ITIH5: variants seen among roughly 807,000 people sequenced by gnomAD.
The protein encoded by ITIH5 is inter-alpha-trypsin inhibitor heavy chain H5.
ITIH5 carries 65 observed loss-of-function variants against 77.5 expected under a neutral mutation model. The ratio of observed to expected loss-of-function variants is 0.84; its 90% CI spans 0.69 to 1.03. ITIH5 has a LOEUF of 1.03. Ranked by LOEUF, ITIH5 falls within the 50% of genes least tolerant of loss-of-function variation. ITIH5 has a pLI of 0.00. For missense variants in ITIH5, 1,208 were observed against 1,213.1 expected (o/e 1.00, Z 0.06); for synonymous variants, 525 against 494.3 (o/e 1.06, Z -0.82).
intron 12 of ITIH5, among the ~76,000 whole-genome samples, chr10:7,566,668 T>G (rs963330449): frequency 2.1e-5 from 3 of 144,052 alleles, no homozygotes; most frequent in Admixed American, 1.4e-4. Context: ...GCTGCAGTGA[T>G]CTGTGATTGC....
At chr10:7,589,892 T>C (rs1374720969) in intron 7 of ITIH5, among the ~76,000 whole-genome samples, 2 of 152,010 alleles carry the variant, frequency 1.3e-5, no homozygotes, top group Non-Finnish European at 2.9e-5. Context: ...CTGGAGGGGA[T>C]TGGTGCTCCC....
chr10:7,658,184 C>T (rs1475915084), intron 1 of ITIH5, among the ~76,000 whole-genome samples: 1 of 152,174 alleles, frequency 6.6e-6, no homozygotes, highest in African/African-American at 2.4e-5. Context: ...CTTTGATTGA[C>T]ATCTTGTTCT....
chr10:7,606,940 G>T (rs1405045961), intron 7 of ITIH5, among the ~76,000 whole-genome samples: 1 of 151,988 alleles, frequency 6.6e-6, no homozygotes, highest in Non-Finnish European at 1.5e-5. Context: ...CATGGCCTAG[G>T]GAAAAAATAT....
intron 13 of ITIH5, among the ~76,000 whole-genome samples, chr10:7,565,030 A>G (rs527689755): frequency 7.5e-5 from 11 of 146,664 alleles, no homozygotes; most frequent in Non-Finnish European, 1.6e-4. Context: ...ATATACATAC[A>G]TAGACTGTAT....
intron 5 of ITIH5, among the ~76,000 whole-genome samples, chr10:7,624,077 T>C (rs1564266130): frequency 6.6e-6 from 1 of 152,206 alleles, no homozygotes; most frequent in Non-Finnish European, 1.5e-5. Flanking sequence ...TATTCAATGC[T>C]CTTCCTTCCT....
At chr10:7,639,004 A>T (rs1466806429) in intron 4 of ITIH5, among the ~76,000 whole-genome samples, 1 of 152,244 alleles carries the variant, frequency 6.6e-6, no homozygotes, top group African/African-American at 2.4e-5. Context: ...CATAAGAAAA[A>T]AGAAAAGCAG....
At chr10:7,630,841 A>T (rs1457716965) in intron 5 of ITIH5, among the ~76,000 whole-genome samples, 1 of 151,770 alleles carries the variant, frequency 6.6e-6, no homozygotes, top group African/African-American at 2.4e-5. Flanking sequence ...CTTAACGGCC[A>T]AACACTTCTC....
chr10:7,586,110 A>C (rs778660897), intron 7 of ITIH5, 41 bp from the exon 8 acceptor site: 7 of 1,566,120 alleles, frequency 4.5e-6, no homozygotes, highest in African/African-American at 1.4e-5. Context: ...AGCTGCTCAC[A>C]TAAGTCCACT....
At chr10:7,583,095 C>T (rs1225703077) in intron 8 of ITIH5, among the ~76,000 whole-genome samples, 2 of 151,972 alleles carry the variant, frequency 1.3e-5, no homozygotes, top group Non-Finnish European at 2.9e-5. Flanking sequence ...ACCTCATATA[C>T]CCCATAAACA....
rs1832260369 is a variant in ITIH5 at position 7,569,736 on chromosome 10, G to GTGAGT, written c.2076_2080dup (p.Thr694AsnfsTer29). On this transcript the variant is annotated frameshift_variant, in exon 12 of 14. Coordinates refer to ENST00000397146, the MANE Select transcript of ITIH5 (RefSeq NM_030569.7). LOFTEE classifies it high-confidence loss of function. ...CTGCCCATCAATGTTGAAGCACACG[G>GTGAGT]TGAGTCTGCTCAGGGGGAAATCCAC... 6.2e-7 allele frequency: 1 copy of GTGAGT among 1,613,180 alleles called. No individual in the cohort carries two copies. The highest frequency in any genetic ancestry group is 1.3e-5 in the African/African-American group (1 of 75,018).
chr10:7,573,145 A>C lies in ITIH5; in HGVS notation c.2029T>G (p.Ser677Ala). ...ACAACCGCATCCTTTGCTTTACCTG[A>C]TGTTTTAGAGATTTTAATTCTTGGC... ...YQPRIKISKTSVDGDPHFVVD... is the reference protein window; with the variant it reads ...YQPRIKISKTAVDGDPHFVVD... The change falls in exon 11 of 14, where the codon TCA becomes GCA. Residue 677 changes from serine to alanine, a missense_variant. Transcript: ENST00000397146. 1.9e-6 allele frequency: 3 copies of C among 1,613,342 alleles called. No homozygotes were observed. In the South Asian group the frequency reaches 3.3e-5, roughly 18 times the overall value.
intron 7 of ITIH5, among the ~76,000 whole-genome samples, chr10:7,588,218 C>T (rs10732932): frequency 0.97 from 148,252 of 152,292 alleles, 72,268 homozygotes; most frequent in Middle Eastern, 1. Flanking sequence ...ACCTCATCTC[C>T]ACTAATAATA....
rs777390458 is a variant in ITIH5 at position 7,640,797 on chromosome 10, C to G, written c.358G>C (p.Asp120His). ...EITEREKKSG[D>H]RVKEKRNKTT... Reference sequence around the variant, plus strand: ...TTATTCCTTTTCTCTTTTACCCTATCACCACTCTTCTTTTCTCTCTCTGTA... The same window carrying G: ...TTATTCCTTTTCTCTTTTACCCTATGACCACTCTTCTTTTCTCTCTCTGTA... Residue 120 changes from aspartate (D) to histidine (H), a missense_variant, in exon 4 of 14, where the codon GAT becomes CAT. Coordinates refer to ENST00000397146, the MANE Select transcript of ITIH5 (RefSeq NM_030569.7). The G allele has an allele frequency of 2.5e-6, 4 of 1,613,180 alleles. No homozygotes were observed. The highest frequency in any genetic ancestry group is 3.4e-6 in the Non-Finnish European group (4 of 1,179,274).
chr10:7,595,301 G>C (rs1832872286), intron 7 of ITIH5, among the ~76,000 whole-genome samples: 1 of 151,746 alleles, frequency 6.6e-6, no homozygotes, highest in Admixed American at 6.6e-5. Flanking sequence ...GGGAGATTTT[G>C]AAAATCGCGC....
intron 13 of ITIH5, among the ~76,000 whole-genome samples, chr10:7,565,006 C>CTATA (rs1832113632): frequency 8.0e-6 from 1 of 125,612 alleles, no homozygotes; most frequent in African/African-American, 3.9e-5. Context: ...GACTGTATAC[C>CTATA]TACATATATA....
intron 5 of ITIH5, chr10:7,618,418 A>G (rs1285020395): frequency 2.6e-5 from 4 of 152,242 alleles, no homozygotes; most frequent in African/African-American, 9.6e-5. Context: ...AGAGCATCCC[A>G]TCTTTTAGTC....
At chr10:7,658,513 T>C (rs1195067090) in intron 1 of ITIH5, among the ~76,000 whole-genome samples, 1 of 152,168 alleles carries the variant, frequency 6.6e-6, no homozygotes, top group African/African-American at 2.4e-5. Flanking sequence ...CCATGGCCCA[T>C]GACACAGCCC....
intron 5 of ITIH5, chr10:7,617,886 T>C (rs1833400672): frequency 6.6e-6 from 1 of 152,250 alleles, no homozygotes; most frequent in Non-Finnish European, 1.5e-5. Context: ...ATTTCTTGCT[T>C]CTTTTAATCT....
At chr10:7,606,085 C>T (rs984226206) in intron 7 of ITIH5, among the ~76,000 whole-genome samples, 2 of 152,194 alleles carry the variant, frequency 1.3e-5, no homozygotes, top group Non-Finnish European at 2.9e-5. Flanking sequence ...ATTTCAATAA[C>T]ATGACCTCAT....
Sources: gnomAD v4.1 joint callset for allele counts (sites outside exome capture counted in the v4.1 genomes callset) on GRCh38, gnomAD v4.1.1 for gene constraint, MANE v1.5 for transcripts, NCBI Gene and HGNC (gene_info 2026-07-23, HGNC 2026-07-21) for gene names.